Variants in LMO7 observed in about 807,000 individuals in gnomAD.
LMO7 encodes LIM domain 7.
In LMO7, 120 loss-of-function variants were observed where a neutral mutation model predicts 206.5. That is an observed-to-expected ratio of 0.58 (90% confidence interval 0.50 to 0.68). The LOEUF (loss-of-function observed/expected upper bound fraction) is 0.68. LMO7 is among the 30% of genes least tolerant of loss of function. The probability of loss-of-function intolerance (pLI) is 0.00; values close to 1 mark genes in which losing one functional copy is unlikely to be tolerated. For missense variants in LMO7, 1,959 were observed against 1,957.9 expected (o/e 1.00, Z -0.01); for synonymous variants, 706 against 681.5 (o/e 1.04, Z -0.56).
At chr13:75,668,225 CAAAAA>C (rs1410482692) in intron 1 of LMO7, among the ~76,000 whole-genome samples, 3 of 151,866 alleles carry the variant, frequency 2.0e-5, no homozygotes, top group South Asian at 4.2e-4. Flanking sequence ...AACCAAAAAA[CAAAAA>C]ACAAAACCAG....
chr13:75,674,336 C>T (rs2039837656), intron 1 of LMO7, among the ~76,000 whole-genome samples: 1 of 152,088 alleles, frequency 6.6e-6, no homozygotes, highest in South Asian at 2.1e-4. Context: ...AAATATCTTC[C>T]AGTTTGAATT....
chr13:75,682,623 C>CTTTA (rs1022333130), intron 1 of LMO7, among the ~76,000 whole-genome samples: 1 of 152,080 alleles, frequency 6.6e-6, no homozygotes, highest in Non-Finnish European at 1.5e-5. Flanking sequence ...CAAAAACAGT[C>CTTTA]TTTATTTATT....
chr13:75,841,587 A>T, intron 23 of LMO7, 41 bp from the exon 24 acceptor site: 5 of 1,381,440 alleles, frequency 3.6e-6, no homozygotes, highest in Non-Finnish European at 5.0e-6. Flanking sequence ...TTACGGAAAT[A>T]AACAGATTTA....
chr13:75,735,116 C>T (rs1357413302), intron 3 of LMO7, among the ~76,000 whole-genome samples: 6 of 145,664 alleles, frequency 4.1e-5, no homozygotes, highest in Admixed American at 1.4e-4. Flanking sequence ...AAAAAAATTA[C>T]GTGTGTGTGT....
At chr13:75,735,097 C>CAA (rs757001691) in intron 3 of LMO7, among the ~76,000 whole-genome samples, 19 of 102,232 alleles carry the variant, frequency 1.9e-4, no homozygotes, top group African/African-American at 5.6e-4. Context: ...GACTCCGTCT[C>CAA]AAAAAAAAAA....
chr13:75,834,186 A>AT (rs746180969), intron 16 of LMO7, 40 bp from the exon 17 acceptor site: 23 of 1,505,704 alleles, frequency 1.5e-5, no homozygotes, highest in Middle Eastern at 3.6e-4. Context: ...AACATGTGGG[A>AT]TTTTTTTCCC....
chr13:75,703,718 G>T (rs2042445382), intron 1 of LMO7, among the ~76,000 whole-genome samples: 1 of 147,688 alleles, frequency 6.8e-6, no homozygotes, highest in South Asian at 2.1e-4. Flanking sequence ...GGTTCTTTGT[G>T]TGTGTGTGTG....
chr13:75,787,506 C>T (rs916300273), intron 4 of LMO7, among the ~76,000 whole-genome samples: 3 of 152,124 alleles, frequency 2.0e-5, no homozygotes, highest in Non-Finnish European at 4.4e-5. Context: ...TTATTTTTAA[C>T]AAGAGGGTAC....
At chr13:75,826,581 C>A (rs1444692941) in intron 15 of LMO7, among the ~76,000 whole-genome samples, 1 of 152,196 alleles carries the variant, frequency 6.6e-6, no homozygotes, top group South Asian at 2.1e-4. Flanking sequence ...CTTTGTAGCG[C>A]AGTCACAGCT....
chr13:75,832,787 G>A (rs1162695937), intron 15 of LMO7, among the ~76,000 whole-genome samples: 1 of 151,946 alleles, frequency 6.6e-6, no homozygotes, highest in African/African-American at 2.4e-5. Context: ...GCTTATCCAC[G>A]GCCAACTGAA....
intron 28 of LMO7, among the ~76,000 whole-genome samples, chr13:75,853,856 C>T (rs1437084127): frequency 8.5e-5 from 13 of 152,300 alleles, no homozygotes; most frequent in Admixed American, 2.6e-4. Flanking sequence ...CGGGCATGCT[C>T]CATCGTCTGG....
intron 3 of LMO7, among the ~76,000 whole-genome samples, chr13:75,728,463 A>C (rs1475825054): frequency 8.1e-6 from 1 of 123,104 alleles, no homozygotes; most frequent in African/African-American, 3.8e-5. Flanking sequence ...CCACTTTTTG[A>C]TGGGGTTGTT....
intron 1 of LMO7, among the ~76,000 whole-genome samples, chr13:75,655,926 A>G (rs1797922287): frequency 6.6e-6 from 1 of 152,076 alleles, no homozygotes; most frequent in South Asian, 2.1e-4. Context: ...ATGGCAGCAC[A>G]GTGGTTTCTA....
chr13:75,670,880 C>G (rs966781732), intron 1 of LMO7, among the ~76,000 whole-genome samples: 12 of 150,210 alleles, frequency 8.0e-5, no homozygotes, highest in Non-Finnish European at 1.8e-4. Context: ...CTTGTAATGA[C>G]ACTTAAAAAC....
chr13:75,803,557 CA>C (rs1471698047), intron 7 of LMO7, among the ~76,000 whole-genome samples: 5 of 152,184 alleles, frequency 3.3e-5, no homozygotes, highest in African/African-American at 9.7e-5. Context: ...TTTAAGAAAG[CA>C]GATTACTATT....
chr13:75,735,898 T>TGG (rs1277202569), intron 3 of LMO7, among the ~76,000 whole-genome samples: 1 of 152,106 alleles, frequency 6.6e-6, no homozygotes, highest in Non-Finnish European at 1.5e-5. Context: ...TTTTTTCAAA[T>TGG]GGCTTGAATT....
chr13:75,722,948 A>G (rs1033489929), intron 2 of LMO7, among the ~76,000 whole-genome samples: 3 of 152,192 alleles, frequency 2.0e-5, no homozygotes, highest in African/African-American at 7.2e-5. Context: ...GTTCTCACTC[A>G]TAAGTGGGAG....
intron 11 of LMO7, among the ~76,000 whole-genome samples, chr13:75,814,393 C>T (rs1016334904): frequency 3.4e-4 from 51 of 152,140 alleles, no homozygotes; most frequent in Non-Finnish European, 6.6e-4. Context: ...CACATGCACA[C>T]ACAGACACAC....
intron 4 of LMO7, among the ~76,000 whole-genome samples, chr13:75,773,148 C>T (rs1331908495): frequency 1.3e-5 from 2 of 152,094 alleles, no homozygotes; most frequent in African/African-American, 2.4e-5. Context: ...AAACATTTCA[C>T]AGAGTCTTCT....
Sources: gnomAD v4.1 joint callset for allele counts (sites outside exome capture counted in the v4.1 genomes callset) on GRCh38, gnomAD v4.1.1 for gene constraint, MANE v1.5 for transcripts, NCBI Gene and HGNC (gene_info 2026-07-23, HGNC 2026-07-21) for gene names.